The following MAGI1 variants were observed in gnomAD, a reference collection of about 807,000 sequenced individuals.
MAGI1 encodes membrane-associated guanylate kinase, WW and PDZ domain-containing protein 1.
MAGI1 carries 58 observed loss-of-function variants against 139.9 expected under a neutral mutation model. That is an observed-to-expected ratio of 0.41 (90% CI 0.34 to 0.52). The LOEUF (loss-of-function observed/expected upper bound fraction) is 0.52, where lower values mean the gene tolerates loss of function less well. Among genes scored for constraint, MAGI1 ranks in the 20% least tolerant of loss-of-function variants. The pLI is 0.12. For missense variants in MAGI1, 1,874 were observed against 1,901.6 expected, an observed-to-expected ratio of 0.99 and a Z score of 0.27; for synonymous variants, 812 against 737.9, an observed-to-expected ratio of 1.10 and a Z score of -1.63.
At chr3:65,664,111 C>G (rs2086365402) in intron 1 of MAGI1, among the ~76,000 whole-genome samples, 1 of 152,022 alleles carries the variant, frequency 6.6e-6, no homozygotes, top group Non-Finnish European at 1.5e-5. Context: ...GCCATTGCAA[C>G]AGTTCCCAAC....
chr3:65,361,412 G>A, intron 21 of MAGI1, 75 bp from the exon 22 acceptor site: 1 of 1,473,086 alleles, frequency 6.8e-7, no homozygotes. Context: ...TAAGCACGTG[G>A]CAGAACATCT....
chr3:65,547,901 T>G (rs2079581309), intron 2 of MAGI1, among the ~76,000 whole-genome samples: 1 of 152,044 alleles, frequency 6.6e-6, no homozygotes, highest in South Asian at 2.1e-4. Context: ...ATACCACATG[T>G]TGAGAAAAAA....
At chr3:65,837,072 T>C (rs7638342) in intron 1 of MAGI1, among the ~76,000 whole-genome samples, 12,041 of 152,112 alleles carry the variant, frequency 0.079, 671 homozygotes, top group South Asian at 0.28. Flanking sequence ...AAGTAACTAC[T>C]GACACCATCA....
intron 1 of MAGI1, among the ~76,000 whole-genome samples, chr3:65,840,154 T>C (rs1575664718): frequency 1.3e-5 from 2 of 152,230 alleles, no homozygotes; most frequent in African/African-American, 4.8e-5. Context: ...TAAGATTTTT[T>C]TTTTTTTTGG....
intron 14 of MAGI1, among the ~76,000 whole-genome samples, chr3:65,388,779 A>G (rs966560563): frequency 2.7e-5 from 4 of 149,730 alleles, no homozygotes; most frequent in Non-Finnish European, 5.9e-5. Flanking sequence ...GTGCTGCTCT[A>G]TCCGATTCCT....
intron 1 of MAGI1, among the ~76,000 whole-genome samples, chr3:65,645,527 C>T (rs973694170): frequency 2.6e-5 from 4 of 152,106 alleles, no homozygotes; most frequent in African/African-American, 9.6e-5. Context: ...GTAAACCTAT[C>T]CTAAAAAGAT....
chr3:65,784,092 C>G (rs1023765841), intron 1 of MAGI1, among the ~76,000 whole-genome samples: 5 of 151,638 alleles, frequency 3.3e-5, no homozygotes, highest in Non-Finnish European at 7.4e-5. Flanking sequence ...CATTGCACTC[C>G]AGCCTGGGCA....
At chr3:65,823,172 A>G (rs930595824) in intron 1 of MAGI1, among the ~76,000 whole-genome samples, 4 of 152,250 alleles carry the variant, frequency 2.6e-5, no homozygotes, top group Non-Finnish European at 5.9e-5. Context: ...TATCATATAA[A>G]GTGATTTGAC....
chr3:65,766,495 C>T (rs1483403272), intron 1 of MAGI1, among the ~76,000 whole-genome samples: 1 of 152,128 alleles, frequency 6.6e-6, no homozygotes, highest in Non-Finnish European at 1.5e-5. Flanking sequence ...AACTCTTGAC[C>T]TCAGGTGATC....
At chr3:65,875,975 A>G (rs1397946286) in intron 1 of MAGI1, among the ~76,000 whole-genome samples, 1 of 152,162 alleles carries the variant, frequency 6.6e-6, no homozygotes, top group African/African-American at 2.4e-5. Context: ...AGTAAGAGGG[A>G]GGAAACCAAG....
chr3:65,610,238 C>T (rs1350589374), intron 2 of MAGI1, among the ~76,000 whole-genome samples: 1 of 151,830 alleles, frequency 6.6e-6, no homozygotes, highest in East Asian at 1.9e-4. Context: ...TGAATGCCCA[C>T]CTTTCAATAG....
chr3:65,394,495 C>T (rs1034090392), intron 13 of MAGI1, among the ~76,000 whole-genome samples: 2 of 152,174 alleles, frequency 1.3e-5, no homozygotes, highest in African/African-American at 4.8e-5. Context: ...CACCAGTGGG[C>T]TAAATACACA....
At chr3:65,497,150 TTAA>T (rs1952515707) in intron 2 of MAGI1, among the ~76,000 whole-genome samples, 1 of 152,130 alleles carries the variant, frequency 6.6e-6, no homozygotes, top group South Asian at 2.1e-4. Context: ...GAATGTAAAC[TTAA>T]TAATAATATT....
At chr3:65,559,091 A>T (rs1338188678) in intron 2 of MAGI1, among the ~76,000 whole-genome samples, 1 of 152,244 alleles carries the variant, frequency 6.6e-6, no homozygotes, top group East Asian at 1.9e-4. Flanking sequence ...CAAAGAAGAC[A>T]AAAGAATTCT....
At chr3:65,446,698 T>C (rs1264896085) in intron 7 of MAGI1, among the ~76,000 whole-genome samples, 1 of 152,236 alleles carries the variant, frequency 6.6e-6, no homozygotes, top group Admixed American at 6.5e-5. Context: ...TCTGTCTCTT[T>C]CATTTACTTT....
At chr3:65,376,002 A>T in intron 17 of MAGI1, 57 bp from the exon 18 acceptor site, 5 of 1,319,922 alleles carry the variant, frequency 3.8e-6, no homozygotes, top group Non-Finnish European at 5.4e-6. Context: ...TAGCAAAGGG[A>T]AGAGAAAAAG....
Position 65,356,441 on chromosome 3 carries a change from G to A in MAGI1, c.4326C>T (p.Ser1442=), listed in dbSNP as rs1052895769. ...ANLKQDAGRS[S]RHPPEQRRRP... is the part of the protein sequence containing the mutation. ...GCCTTCTCTGCTCCGGGGGATGTCT[G>A]GAACTTCTGCCGGCATCCTGTTTCA... The change falls in exon 23 of 23, where the codon TCC becomes TCT. Residue 1442 remains serine (S), a synonymous_variant. Transcript: ENST00000402939. 56 of 1,610,910 alleles carry A rather than the reference G, an allele frequency of 3.5e-5. No individual in the cohort carries two copies. The highest frequency in any genetic ancestry group is 4.2e-5 in the Non-Finnish European group (49 of 1,179,638).
intron 1 of MAGI1, among the ~76,000 whole-genome samples, chr3:65,927,517 C>T (rs976290704): frequency 6.6e-6 from 1 of 152,206 alleles, no homozygotes; most frequent in Non-Finnish European, 1.5e-5. Flanking sequence ...GAAAACATTG[C>T]TTCAAGCAGC....
intron 1 of MAGI1, among the ~76,000 whole-genome samples, chr3:65,736,708 G>A (rs1157342888): frequency 2.6e-5 from 4 of 152,164 alleles, no homozygotes; most frequent in Non-Finnish European, 5.9e-5. Flanking sequence ...CCATATTTGT[G>A]TTCTATCCAG....
Sources: gnomAD v4.1 joint callset for allele counts (sites outside exome capture counted in the v4.1 genomes callset) on GRCh38, gnomAD v4.1.1 for gene constraint, MANE v1.5 for transcripts, NCBI Gene and HGNC (gene_info 2026-07-23, HGNC 2026-07-21) for gene names.